The following FGD6 variants were observed in gnomAD, a reference collection of about 807,000 sequenced individuals.
FGD6 encodes FYVE, RhoGEF and PH domain-containing protein 6.
In FGD6, 90 loss-of-function variants were observed where a neutral mutation model predicts 149.4. That is an observed-to-expected ratio of 0.60 (90% CI 0.51 to 0.72). The LOEUF (loss-of-function observed/expected upper bound fraction) is 0.72. Ranked by LOEUF, FGD6 falls within the 30% of genes least tolerant of loss-of-function variation. FGD6 has a pLI of 0.00. For missense variants in FGD6, 1,437 were observed against 1,684.8 expected (o/e 0.85, Z 2.57); for synonymous variants, 527 against 584.0 (o/e 0.90, Z 1.41).
At chr12:95,096,832 A>G (rs1211801337) in intron 14 of FGD6, among the ~76,000 whole-genome samples, 1 of 152,234 alleles carries the variant, frequency 6.6e-6, no homozygotes, top group Admixed American at 6.5e-5. Context: ...GCCTCTGCTC[A>G]TGTTCTCTGC....
chr12:95,154,441 A>T (rs926794858), intron 3 of FGD6, among the ~76,000 whole-genome samples: 1 of 152,172 alleles, frequency 6.6e-6, no homozygotes, highest in African/African-American at 2.4e-5. Flanking sequence ...GTTCCAGGGA[A>T]ATCAGAGAAA....
At chr12:95,134,949 C>T (rs936359379) in intron 7 of FGD6, 123 bp from the exon 8 acceptor site, 9 of 702,154 alleles carry the variant, frequency 1.3e-5, no homozygotes, top group African/African-American at 1.1e-4. Context: ...CGTAGAGAGG[C>T]TCCCTTTTAT....
chr12:95,132,848 C>T (rs1365827672), intron 8 of FGD6, among the ~76,000 whole-genome samples: 2 of 152,154 alleles, frequency 1.3e-5, no homozygotes, highest in Admixed American at 6.5e-5. Context: ...ATTCCCCTCC[C>T]ATTTGAAACT....
chr12:95,132,150 A>G (rs1769626285), intron 8 of FGD6, among the ~76,000 whole-genome samples: 1 of 152,132 alleles, frequency 6.6e-6, no homozygotes, highest in Admixed American at 6.6e-5. Context: ...ATAAAACAAA[A>G]TTCTTCTTCT....
intron 18 of FGD6, among the ~76,000 whole-genome samples, chr12:95,088,331 T>C (rs916776343): frequency 6.6e-6 from 1 of 152,044 alleles, no homozygotes; most frequent in Admixed American, 6.6e-5. Context: ...ACTTTACCAT[T>C]ATACAACTCA....
At chr12:95,194,483 C>T (rs1881685342) in intron 2 of FGD6, among the ~76,000 whole-genome samples, 1 of 152,284 alleles carries the variant, frequency 6.6e-6, no homozygotes, top group African/African-American at 2.4e-5. Flanking sequence ...GATCTGCCCA[C>T]CTCAGCTTCC....
intron 2 of FGD6, among the ~76,000 whole-genome samples, chr12:95,202,613 C>T (rs904752081): frequency 4.6e-5 from 7 of 151,978 alleles, no homozygotes; most frequent in East Asian, 1.9e-4. Flanking sequence ...AGGCTGGTCT[C>T]GAACTCCTGG....
intron 18 of FGD6, among the ~76,000 whole-genome samples, chr12:95,088,128 C>A (rs1371289737): frequency 1.3e-5 from 2 of 152,148 alleles, no homozygotes; most frequent in African/African-American, 4.8e-5. Flanking sequence ...TACTGAATAG[C>A]CATGACTAGA....
At chr12:95,184,832 C>T (rs1881382180) in intron 2 of FGD6, among the ~76,000 whole-genome samples, 1 of 152,094 alleles carries the variant, frequency 6.6e-6, no homozygotes, top group African/African-American at 2.4e-5. Flanking sequence ...ATTTGCCCGC[C>T]TTGGCCTCCC....
At chr12:95,202,832 C>T (rs868338069) in intron 2 of FGD6, among the ~76,000 whole-genome samples, 10 of 152,264 alleles carry the variant, frequency 6.6e-5, no homozygotes, top group African/African-American at 1.9e-4. Flanking sequence ...AATTCTAACA[C>T]GAGAAACACA....
rs200395883 is a variant in FGD6 at position 95,210,187 on chromosome 12, T to C, written c.1097A>G (p.Gln366Arg). The C allele has an allele frequency of 5.0e-5, 80 of 1,614,042 alleles. No homozygotes were observed. Among genetic ancestry groups the C allele is most frequent in the Non-Finnish European group, 6.3e-5 (74 of 1,180,028 alleles). Residue 366 changes from glutamine (Q) to arginine (R), a missense_variant, in exon 2 of 21, where the codon CAG becomes CGG. This residue lies in a region of FGD6 where 1,055 missense variants were observed against 1,146.0 expected (regional missense o/e 0.92). Coordinates refer to ENST00000343958, the MANE Select transcript of FGD6 (RefSeq NM_018351.4). ...LKINKISVLH[Q>R]NVLCKQEQVD... ...CTGTTCCTGCTTACACAAAACATTC[T>C]GATGCAGAACACTGATTTTATTGAT...
chr12:95,083,036 CACAT>C (rs1555215617), intron 20 of FGD6, among the ~76,000 whole-genome samples: 1 of 82,260 alleles, frequency 1.2e-5, no homozygotes, highest in Admixed American at 1.4e-4. Flanking sequence ...TATATACACA[CACAT>C]ACACACACAC....
chr12:95,125,830 T>C, intron 8 of FGD6: 1 of 995,908 alleles, frequency 1.0e-6, no homozygotes, highest in Non-Finnish European at 1.6e-6. Context: ...GCTGGAAAAT[T>C]CATTGTGATC....
intron 2 of FGD6, among the ~76,000 whole-genome samples, chr12:95,197,641 A>T: frequency 6.6e-6 from 1 of 152,196 alleles, no homozygotes; most frequent in Admixed American, 6.5e-5. Flanking sequence ...CAAAATATTT[A>T]CTTTGGGGAC....
At chr12:95,127,365 G>C (rs1879376794) in intron 8 of FGD6, among the ~76,000 whole-genome samples, 1 of 152,040 alleles carries the variant, frequency 6.6e-6, no homozygotes, top group Admixed American at 6.6e-5. Context: ...CCAATATGGT[G>C]AAACCCCGTC....
At chr12:95,174,927 CAAAAAAAAA>C (rs10687970) in intron 2 of FGD6, among the ~76,000 whole-genome samples, 6 of 84,684 alleles carry the variant, frequency 7.1e-5, no homozygotes, top group East Asian at 3.6e-4. Flanking sequence ...ACTCCATCTC[CAAAAAAAAA>C]AAAAAAAAAA....
intron 5 of FGD6, among the ~76,000 whole-genome samples, chr12:95,146,497 C>T (rs979096759): frequency 2.0e-5 from 3 of 152,102 alleles, no homozygotes; most frequent in African/African-American, 7.2e-5. Flanking sequence ...ATTTTTCACA[C>T]TGGAAAAGCT....
rs894944575 is a variant in FGD6, at chr12:95,166,601, G to T, written c.2586+5999C>A. 2.6e-5 allele frequency among the ~76,000 whole-genome samples: 4 copies of T among 152,174 alleles called. No homozygotes were observed. The East Asian group carries it at 7.7e-4, about 29-fold the overall frequency. ...TACCTGTAATCCTAGCTACTAAGGA[G>T]GAAGGGACGAGAGATCACTTGAGTC... On this transcript the variant is annotated intron_variant, in intron 3 of 20. Coordinates refer to ENST00000343958, the MANE Select transcript of FGD6 (RefSeq NM_018351.4).
intron 2 of FGD6, among the ~76,000 whole-genome samples, chr12:95,188,447 C>T (rs1291755199): frequency 6.6e-6 from 1 of 152,024 alleles, no homozygotes; most frequent in Non-Finnish European, 1.5e-5. Context: ...AGGTTCCTGC[C>T]CTGGGGAAAA....
Sources: allele counts gnomAD v4.1 joint callset (sites outside exome capture counted in the v4.1 genomes callset), GRCh38; gene constraint gnomAD v4.1.1; regional missense constraint gnomAD v4.1.1; transcripts MANE v1.5; gene names NCBI Gene and HGNC (gene_info 2026-07-23, HGNC 2026-07-21).